GNAS: variants seen among roughly 807,000 people sequenced by gnomAD.
The protein encoded by GNAS is GNAS complex locus.
A neutral mutation model predicts 54.5 loss-of-function variants in GNAS; 8 were observed. The observed-to-expected ratio is 0.15, with a 90% confidence interval of 0.09 to 0.26. GNAS has a LOEUF of 0.26. Ranked by LOEUF, GNAS falls within the 10% of genes least tolerant of loss-of-function variation. GNAS has a pLI of 1.00. For synonymous variants in GNAS, 204 were observed against 191.4 expected, an observed-to-expected ratio of 1.07 and a Z score of -0.54; for missense variants, 170 against 529.8, an observed-to-expected ratio of 0.32 and a Z score of 6.67.
upstream of GNAS, chr20:58,840,106 G>A (rs374513507): frequency 4.3e-6 from 7 of 1,610,412 alleles, no homozygotes; most frequent in Non-Finnish European, 5.9e-6. The surrounding 1 kb of genome is among the most constrained non-coding windows in gnomAD (Gnocchi z 6.0). Context: ...TGCCTAAGAG[G>A]ATGGATCGGA....
At position 58,853,692 on chromosome 20, in the gene GNAS, G is replaced by A. The variant is rs898117435; in HGVS notation, c.43+12806G>A. ...CGGCCCAGCACTCATGGAGCCCGGA[G>A]CCTTCAGTGGTGCCAGACCAGGCCT... is the stretch of plus-strand genomic sequence containing the variant. On this transcript the variant is annotated intron_variant, in intron 1 of 12. Coordinates refer to the GNAS transcript ENST00000306090. The surrounding 1 kb of genome is among the most constrained non-coding windows in gnomAD (Gnocchi z 4.4). 6.2e-7 allele frequency: 1 copy of A among 1,613,754 alleles called. No individual in the cohort carries two copies. The highest frequency in any genetic ancestry group is 2.2e-5 in the East Asian group (1 of 44,880).
Position 58,853,477 on chromosome 20 carries a change from C to T in GNAS, c.43+12591C>T, listed in dbSNP as rs1221978398. The T allele has an allele frequency of 6.2e-7, 1 of 1,612,870 alleles. No individual in the cohort carries two copies. Among genetic ancestry groups the T allele is most frequent in the Non-Finnish European group, 8.5e-7 (1 of 1,179,678 alleles). The stretch of plus-strand genomic sequence containing the variant: ...AATGATGGCGAGGCCTGTGGACCCC[C>T]AGAGGTCTCCAGACCCAACTTTCAG... On this transcript the variant is annotated intron_variant, in intron 1 of 12. Coordinates refer to the GNAS transcript ENST00000306090. This position sits in a 1 kb window ranked among gnomAD's most constrained non-coding sequence, Gnocchi z 4.4.
chr20:58,881,556 TC>T (rs1211756236), intron 1 of GNAS, among the ~76,000 whole-genome samples: 3 of 152,078 alleles, frequency 2.0e-5, no homozygotes, highest in African/African-American at 7.2e-5. Context: ...ATTTCAGAGT[TC>T]CCCTCTTACT....
At chr20:58,867,082 C>T (rs907385849) in intron 1 of GNAS, among the ~76,000 whole-genome samples, 1 of 152,176 alleles carries the variant, frequency 6.6e-6, no homozygotes, top group Non-Finnish European at 1.5e-5. Flanking sequence ...ACTATAAAAC[C>T]TCCTTACTGC....
At chr20:58,845,147 G>T (rs1322815412) in intron 1 of GNAS, among the ~76,000 whole-genome samples, 1 of 152,170 alleles carries the variant, frequency 6.6e-6, no homozygotes, top group Non-Finnish European at 1.5e-5. Context: ...ACTGCAGCTT[G>T]GAGAGGCTAA....
intron 1 of GNAS, among the ~76,000 whole-genome samples, chr20:58,861,657 G>A (rs1375455543): frequency 6.6e-6 from 1 of 152,188 alleles, no homozygotes; most frequent in East Asian, 1.9e-4. Context: ...TAAATTGGGG[G>A]AAAGAAGCCC....
intron 1 of GNAS, chr20:58,892,148 T>C: frequency 1.3e-5 from 12 of 955,770 alleles, no homozygotes; most frequent in Non-Finnish European, 1.5e-5. Flanking sequence ...TCGCTCTCGC[T>C]CTCCCCCTCT....
chr20:58,903,013 G>A (rs6100267), intron 3 of GNAS: 1 of 239,674 alleles, frequency 4.2e-6, no homozygotes, highest in South Asian at 5.4e-5. Context: ...TGGGATTACA[G>A]GTGTGAGCCA....
In GNAS at chr20:58,878,921, G is replaced by T. The variant is rs898169357; in HGVS notation, c.44-16691G>T. On this transcript the variant is annotated intron_variant, in intron 1 of 12. Coordinates refer to the GNAS transcript ENST00000306090. ...GTGGTGGGGGTGCGGGTGGGGGGGG[G>T]AGGGAGACAAATCAGATGTAGAGGT... Among the ~76,000 whole-genome samples, 279 of 129,684 alleles carry T rather than the reference G, an allele frequency of 2.2e-3. 2 individuals are homozygous for T. The highest frequency in any genetic ancestry group is 3.5e-3 in the Non-Finnish European group (212 of 60,832). The allele number at this position is 129,684 out of a possible 152,430, so 85.1% of individuals were successfully genotyped here.
In GNAS at chr20:58,853,311, C is replaced by A; in HGVS notation, c.43+12425C>A. On this transcript the variant is annotated intron_variant, in intron 1 of 12. Transcript: ENST00000306090. This position sits in a 1 kb window ranked among gnomAD's most constrained non-coding sequence, Gnocchi z 4.4. ...CTACGGCAATAATATGTCAGGACAA[C>A]GCGATATCCCCCCTGAAATCGGGGA... The A allele has an allele frequency of 6.5e-7, 1 of 1,550,170 alleles. No homozygotes were observed. The highest frequency in any genetic ancestry group is 8.7e-7 in the Non-Finnish European group (1 of 1,146,610).
rs2146297725 is a variant in GNAS at position 58,910,252 on chromosome 20, A to C, written c.971-82A>C. The C allele has an allele frequency of 7.8e-7, 1 of 1,289,314 alleles. No homozygotes were observed. Among genetic ancestry groups the C allele is most frequent in the East Asian group, 2.3e-5 (1 of 43,446 alleles). 79.9% of individuals were successfully genotyped at this position (1,289,314 alleles called of 1,614,324 possible). ...ATATGGAAAAATCAGGGTTTTGAAGACTTCAGGAGCTACAGAGATGCTAGC... is the reference window on the plus strand; with the variant it reads ...ATATGGAAAAATCAGGGTTTTGAAGCCTTCAGGAGCTACAGAGATGCTAGC... On this transcript the variant is annotated intron_variant, in intron 11 of 12. Coordinates refer to ENST00000371085, the MANE Select transcript of GNAS (RefSeq NM_000516.7). This position sits in a 1 kb window ranked among gnomAD's most constrained non-coding sequence, Gnocchi z 5.8.
rs1324532499 is a variant in GNAS, at chr20:58,853,980, C to T, written c.43+13094C>T. 1 of 1,612,096 alleles carries T rather than the reference C, an allele frequency of 6.2e-7. No homozygotes were observed. The stretch of plus-strand genomic sequence containing the variant: ...AGAAGGATTTGGGGACGACAGCCCA[C>T]CCCCGGGGCTTTCCCGAGTTATCGC... On this transcript the variant is annotated intron_variant, in intron 1 of 12. Coordinates refer to the GNAS transcript ENST00000306090. The surrounding 1 kb of genome is among the most constrained non-coding windows in gnomAD (Gnocchi z 4.4).
intron 1 of GNAS, among the ~76,000 whole-genome samples, chr20:58,892,763 T>A: frequency 6.6e-6 from 1 of 151,866 alleles, no homozygotes; most frequent in Admixed American, 6.6e-5. Context: ...GTACGAGAAG[T>A]GCCCAGTGAA....
At chr20:58,907,107 C>T (rs1468025826) in intron 6 of GNAS, among the ~76,000 whole-genome samples, 4 of 152,122 alleles carry the variant, frequency 2.6e-5, no homozygotes, top group Admixed American at 2.6e-4. Flanking sequence ...ATTGTGAAAA[C>T]CACCTGAATA....
At chr20:58,899,347 T>G in intron 3 of GNAS, 1 of 507,150 alleles carries the variant, frequency 2.0e-6, no homozygotes, top group Non-Finnish European at 3.7e-6. Context: ...ATCTACTAAA[T>G]TCCATCTACC....
In GNAS at chr20:58,853,642, G is replaced by T. The variant is rs752182669; in HGVS notation, c.43+12756G>T. 6.2e-7 allele frequency: 1 copy of T among 1,613,346 alleles called. No individual in the cohort carries two copies. Among genetic ancestry groups the T allele is most frequent in the Admixed American group, 1.7e-5 (1 of 60,008 alleles). ...CTGGAGCAGCCTGGATTCCCCAGTG[G>T]GGTCCATGCAGGCCTTGAGGCCTTC... On this transcript the variant is annotated intron_variant, in intron 1 of 12. Transcript: ENST00000306090. This position sits in a 1 kb window ranked among gnomAD's most constrained non-coding sequence, Gnocchi z 4.4.
At chr20:58,870,718 TC>T (rs776846065) in intron 1 of GNAS, among the ~76,000 whole-genome samples, 5 of 152,086 alleles carry the variant, frequency 3.3e-5, no homozygotes, top group Non-Finnish European at 7.4e-5. Flanking sequence ...GTCAGTCTTC[TC>T]CCTGCGCCAG....
At chr20:58,868,434 G>A (rs900046842) in intron 1 of GNAS, among the ~76,000 whole-genome samples, 4 of 151,748 alleles carry the variant, frequency 2.6e-5, no homozygotes, top group South Asian at 4.2e-4. Context: ...GATTACAGGC[G>A]TGAACCACCG....
chr20:58,910,130 T>C lies in GNAS; in HGVS notation c.970+49T>C. The C allele has an allele frequency of 6.3e-7, 1 of 1,597,618 alleles. No individual in the cohort carries two copies. The highest frequency in any genetic ancestry group is 2.2e-5 in the East Asian group (1 of 44,790). On this transcript the variant is annotated intron_variant, in intron 11 of 12. Coordinates refer to ENST00000371085, the MANE Select transcript of GNAS (RefSeq NM_000516.7). This position sits in a 1 kb window ranked among gnomAD's most constrained non-coding sequence, Gnocchi z 5.8. Reference sequence around the variant, plus strand: ...TGGCTGTTCATTGCGGTGGTTCTTTTTCAAACGGTCAGGCTGAAAACCCCC... The same window carrying C: ...TGGCTGTTCATTGCGGTGGTTCTTTCTCAAACGGTCAGGCTGAAAACCCCC...
Sources: allele counts gnomAD v4.1 joint callset (sites outside exome capture counted in the v4.1 genomes callset), GRCh38; gene constraint gnomAD v4.1.1; non-coding constraint Gnocchi (gnomAD v3.1); transcripts MANE v1.5; gene names NCBI Gene and HGNC (gene_info 2026-07-23, HGNC 2026-07-21).